Variants in ZNF732 observed in about 807,000 individuals in gnomAD.
ZNF732 encodes the protein zinc finger protein 732.
In ZNF732, 12 loss-of-function variants were observed where a neutral mutation model predicts 11.5. That is an observed-to-expected ratio of 1.05 (90% CI 0.67 to 1.70). The LOEUF (loss-of-function observed/expected upper bound fraction) is 1.70. ZNF732 is among the 40% of genes most tolerant of loss of function. The pLI, the probability that ZNF732 is intolerant of heterozygous loss-of-function variation, is 0.00. For synonymous variants in ZNF732, 231 were observed against 236.5 expected (o/e 0.98, Z 0.21); for missense variants, 702 against 676.9 (o/e 1.04, Z -0.41).
intron 3 of ZNF732, among the ~76,000 whole-genome samples, chr4:294,531 G>A (rs1461126129): frequency 6.6e-6 from 1 of 152,182 alleles, no homozygotes; most frequent in Non-Finnish European, 1.5e-5. Context: ...CTTAATATTA[G>A]CAATGTTCTA....
intron 3 of ZNF732, among the ~76,000 whole-genome samples, chr4:284,870 CAAAAAAAAAAA>C (rs1163209652): frequency 2.0e-4 from 11 of 54,826 alleles, no homozygotes; most frequent in Non-Finnish European, 3.8e-4. Flanking sequence ...GACTCTGTCT[CAAAAAAAAAAA>C]AAAAAAAAAA....
chr4:290,251 G>GA (rs1719815724), intron 3 of ZNF732, among the ~76,000 whole-genome samples: 1 of 152,184 alleles, frequency 6.6e-6, no homozygotes, highest in Admixed American at 6.5e-5. Context: ...GCCCTCACCA[G>GA]GTGGCCAACT....
intron 3 of ZNF732, among the ~76,000 whole-genome samples, chr4:281,349 G>A (rs1043915814): frequency 2.6e-5 from 4 of 152,182 alleles, no homozygotes; most frequent in African/African-American, 4.8e-5. Context: ...TGTGATCAAG[G>A]GTCATTACTG....
At position 272,642 on chromosome 4, in the gene ZNF732, A is replaced by C. The variant is rs1327265118; in HGVS notation, c.227-12T>G. On this transcript the variant is annotated splice_polypyrimidine_tract_variant and intron_variant, in intron 3 of 3. Transcript: ENST00000419098. ...ATGAGAACACACAGCTGAAAGAAAT[A>C]AAAATAAATTATCCTGCTTACTAGA... The C allele has an allele frequency of 2.0e-6, 3 of 1,494,778 alleles. No homozygotes were observed. In the African/African-American group the frequency reaches 4.2e-5, roughly 21 times the overall value. The allele number at this position is 1,494,778 out of a possible 1,614,324, so 92.6% of individuals were successfully genotyped here.
chr4:284,545 AT>A (rs1316014617), intron 3 of ZNF732, among the ~76,000 whole-genome samples: 1 of 152,152 alleles, frequency 6.6e-6, no homozygotes, highest in Non-Finnish European at 1.5e-5. Flanking sequence ...AAAGAAAATA[AT>A]AAAAAACAGA....
intron 3 of ZNF732, 85 bp from the exon 4 acceptor site, chr4:272,715 T>C (rs1719416188): frequency 1.0e-5 from 13 of 1,248,004 alleles, no homozygotes; most frequent in Non-Finnish European, 1.4e-5. Flanking sequence ...TTATACAAAG[T>C]ACATTAGTAA....
rs1560165241 is a variant in ZNF732 at position 299,448 on chromosome 4, T to TATGTGTATATATATAC, written c.4-3294_4-3293insGTATATATATACACAT. 4.5e-4 allele frequency among the ~76,000 whole-genome samples: 38 copies of TATGTGTATATATATAC among 83,826 alleles called. 3 individuals are homozygous for TATGTGTATATATATAC. Among genetic ancestry groups the TATGTGTATATATATAC allele is most frequent in the Admixed American group, 2.6e-4 (2 of 7,730 alleles). The allele number at this position is 83,826 out of a possible 152,430, so 55.0% of individuals were successfully genotyped here. ...ATACACATATGTGTATATATATATA[T>TATGTGTATATATATAC]ATACACATATGTGTATATATATATA... On this transcript the variant is annotated intron_variant, in intron 1 of 3. Transcript: ENST00000419098.
chr4:298,231 C>A (rs1306598065), intron 1 of ZNF732, among the ~76,000 whole-genome samples: 1 of 152,186 alleles, frequency 6.6e-6, no homozygotes, highest in African/African-American at 2.4e-5. Context: ...GCTTAAGTGT[C>A]CTGTACAATT....
intron 3 of ZNF732, among the ~76,000 whole-genome samples, chr4:279,316 G>A (rs546334240): frequency 3.9e-5 from 6 of 151,912 alleles, no homozygotes; most frequent in African/African-American, 1.4e-4. Flanking sequence ...CGTGGTGGTG[G>A]GCGCTTGTAG....
At chr4:295,726 G>A (rs541021407) in intron 2 of ZNF732, among the ~76,000 whole-genome samples, 193 bp from the exon 3 acceptor site, 27 of 152,132 alleles carry the variant, frequency 1.8e-4, no homozygotes, top group African/African-American at 6.0e-4. Context: ...AAGTACTACT[G>A]AATCAAAATA....
chr4:280,581 C>T (rs1719601414), intron 3 of ZNF732, among the ~76,000 whole-genome samples: 1 of 151,844 alleles, frequency 6.6e-6, no homozygotes, highest in Admixed American at 6.6e-5. Flanking sequence ...GCAAAAAATT[C>T]TGCCAAAAAA....
chr4:300,215 C>T, intron 1 of ZNF732, among the ~76,000 whole-genome samples: 1 of 150,474 alleles, frequency 6.6e-6, no homozygotes, highest in African/African-American at 2.4e-5. Flanking sequence ...GTAATCCCAG[C>T]ACTTTGGGAG....
chr4:290,540 T>C (rs1429713912), intron 3 of ZNF732, among the ~76,000 whole-genome samples: 1 of 152,138 alleles, frequency 6.6e-6, no homozygotes, highest in Admixed American at 6.5e-5. Context: ...GTTCTAGCCA[T>C]ATGTAGTCAC....
intron 3 of ZNF732, among the ~76,000 whole-genome samples, chr4:275,867 A>T (rs781962884): frequency 8.6e-5 from 13 of 151,820 alleles, no homozygotes; most frequent in Non-Finnish European, 1.5e-4. Flanking sequence ...TTGACTTTAA[A>T]ATAAAAAACA....
At chr4:280,211 AAAC>A (rs781963574) in intron 3 of ZNF732, among the ~76,000 whole-genome samples, 1 of 150,570 alleles carries the variant, frequency 6.6e-6, no homozygotes, top group Non-Finnish European at 1.5e-5. Flanking sequence ...ACAATCCTTC[AAAC>A]AACTACAGTT....
Position 299,433 on chromosome 4 carries a change from GTGTA to G in ZNF732, c.4-3282_4-3279del, listed in dbSNP as rs1174143940. On this transcript the variant is annotated intron_variant, in intron 1 of 3. Transcript: ENST00000419098. The stretch of plus-strand genomic sequence containing the variant: ...TATATATACACATATATACACATAT[GTGTA>G]TATATATATATATACACATATGTGT... 8.2e-5 allele frequency among the ~76,000 whole-genome samples: 5 copies of G among 60,776 alleles called. 1 individual carries two copies. The highest frequency in any genetic ancestry group is 1.4e-4 in the Non-Finnish European group (5 of 34,802). The allele number at this position is 60,776 out of a possible 152,430, so 39.9% of individuals were successfully genotyped here.
At chr4:302,415 G>C (rs1378136218) in intron 1 of ZNF732, among the ~76,000 whole-genome samples, 2 of 152,132 alleles carry the variant, frequency 1.3e-5, no homozygotes, top group East Asian at 1.9e-4. Context: ...TTCTCAAGTA[G>C]AAGACATGAC....
intron 1 of ZNF732, 124 bp downstream of exon 1, chr4:305,184 C>T (rs1581554206): frequency 7.3e-7 from 1 of 1,361,750 alleles, no homozygotes; most frequent in Non-Finnish European, 9.8e-7. Context: ...CGGAAGGGAC[C>T]AAGGACTGAG....
At chr4:302,353 G>C (rs1720135381) in intron 1 of ZNF732, among the ~76,000 whole-genome samples, 1 of 152,152 alleles carries the variant, frequency 6.6e-6, no homozygotes, top group African/African-American at 2.4e-5. Flanking sequence ...AAAATGTGAT[G>C]TGCATCATAG....
Sources: allele counts gnomAD v4.1 joint callset (sites outside exome capture counted in the v4.1 genomes callset), GRCh38; gene constraint gnomAD v4.1.1; transcripts MANE v1.5; gene names NCBI Gene and HGNC (gene_info 2026-07-23, HGNC 2026-07-21).